Variants in USP39 observed in about 807,000 individuals in gnomAD.
USP39 encodes ubiquitin specific peptidase 39, also known as ubiquitin carboxyl-terminal hydrolase 39.
In USP39, 38 loss-of-function variants were observed where a neutral mutation model predicts 66.4. The ratio of observed to expected loss-of-function variants is 0.57; its 90% CI spans 0.44 to 0.75. The LOEUF (loss-of-function observed/expected upper bound fraction) is 0.75. USP39 is among the 30% of genes least tolerant of loss of function. The pLI, the probability that USP39 is intolerant of heterozygous loss-of-function variation, is 0.00. For missense variants in USP39, 608 were observed against 714.4 expected, an observed-to-expected ratio of 0.85 and a Z score of 1.70; for synonymous variants, 303 against 274.6, an observed-to-expected ratio of 1.10 and a Z score of -1.02.
At chr2:85,611,469 T>C (rs548147548), upstream of USP39, 8 of 1,547,806 alleles carry the variant, frequency 5.2e-6, no homozygotes, top group East Asian at 2.4e-5. Flanking sequence ...ACAGCGATGC[T>C]TAACTGGGGG....
chr2:85,616,350 G>A lies in USP39; in HGVS notation c.155G>A (p.Arg52Gln), dbSNP rs754314800. ...SSRGSPVRVKREFEPASAREA... is the reference protein window; with the variant it reads ...SSRGSPVRVKQEFEPASAREA... ...CGGGGCAGCCCTGTGCGCGTGAAGCGGGAGTTCGAGCCGGCGAGCGCGCGC... is the reference window on the plus strand; with the variant it reads ...CGGGGCAGCCCTGTGCGCGTGAAGCAGGAGTTCGAGCCGGCGAGCGCGCGC... Residue 52 changes from arginine (R) to glutamine (Q), a missense_variant, in exon 1 of 13, where the codon CGG (arginine) becomes CAG (glutamine). By Grantham distance (43) the Arg-to-Gln change is conservative. Around this residue, in one of 6 missense-constraint regions of USP39, gnomAD observed 207 missense variants for 145.7 expected, o/e 1.42. Transcript: ENST00000323701. The A allele has an allele frequency of 1.2e-6, 2 of 1,601,822 alleles. No individual in the cohort carries two copies. Among genetic ancestry groups the A allele is most frequent in the South Asian group, 1.1e-5 (1 of 89,478 alleles).
chr2:85,610,627 C>T (rs527783544), upstream of USP39: 1 of 152,216 alleles, frequency 6.6e-6, no homozygotes, highest in South Asian at 2.1e-4. Flanking sequence ...AAAGCACTTT[C>T]ACTAATGCCT....
chr2:85,615,226 G>T (rs1045148864), upstream of USP39, among the ~76,000 whole-genome samples: 4 of 152,142 alleles, frequency 2.6e-5, no homozygotes, highest in Admixed American at 2.0e-4. Context: ...TCACCATATT[G>T]GCCAGGCTGG....
intron 6 of USP39, among the ~76,000 whole-genome samples, chr2:85,634,253 C>T (rs1040869210): frequency 1.3e-5 from 2 of 151,766 alleles, no homozygotes; most frequent in Admixed American, 6.6e-5. Flanking sequence ...AGATACACTT[C>T]GGGTTGGTTA....
At chr2:85,609,123 C>T (rs898148471), upstream of USP39, 4 of 1,597,712 alleles carry the variant, frequency 2.5e-6, no homozygotes, top group Non-Finnish European at 3.4e-6. Context: ...GAAAGGTGAC[C>T]TGCCCTGTCC....
chr2:85,622,586 A>C (rs564829325), intron 3 of USP39, among the ~76,000 whole-genome samples: 60 of 150,194 alleles, frequency 4.0e-4, no homozygotes, highest in Non-Finnish European at 4.9e-4. Flanking sequence ...TTTTTTGTGG[A>C]GACAAGGCCT....
upstream of USP39, chr2:85,608,957 C>T (rs1230014965): frequency 4.3e-6 from 7 of 1,614,238 alleles, no homozygotes; most frequent in Non-Finnish European, 4.2e-6. Flanking sequence ...AGTGTTGGCT[C>T]TGGCGCTTTG....
At chr2:85,608,887 T>G, upstream of USP39, 1 of 1,598,962 alleles carries the variant, frequency 6.3e-7, no homozygotes, top group Non-Finnish European at 8.6e-7. Flanking sequence ...CTAAATTCCC[T>G]GGGCAGAATT....
At chr2:85,626,113 A>T (rs960659622) in intron 5 of USP39, among the ~76,000 whole-genome samples, 1 of 152,004 alleles carries the variant, frequency 6.6e-6, no homozygotes, top group Non-Finnish European at 1.5e-5. Flanking sequence ...TAATCCCAGC[A>T]CTTTGGGAGG....
At chr2:85,646,804 C>A (rs556076025) in intron 11 of USP39, among the ~76,000 whole-genome samples, 10 of 151,462 alleles carry the variant, frequency 6.6e-5, no homozygotes, top group Non-Finnish European at 1.2e-4. Context: ...ATTTGTAGCA[C>A]TGGTTTCTTA....
chr2:85,630,613 C>A, intron 5 of USP39, 108 bp from the exon 6 acceptor site: 3 of 1,062,954 alleles, frequency 2.8e-6, no homozygotes, highest in South Asian at 1.5e-5. Flanking sequence ...CTCTTTAAGG[C>A]CATCACAGGC....
chr2:85,617,138 A>G (rs1674051978), intron 1 of USP39, among the ~76,000 whole-genome samples: 3 of 146,848 alleles, frequency 2.0e-5, no homozygotes, highest in Admixed American at 6.8e-5. Context: ...GCGTTTTAAG[A>G]GAAGCAAGTC....
chr2:85,634,566 G>T (rs532965372), intron 6 of USP39, among the ~76,000 whole-genome samples: 2 of 152,042 alleles, frequency 1.3e-5, no homozygotes, highest in South Asian at 4.2e-4. Flanking sequence ...AGAGTGAGAC[G>T]CTGTGTCGCG....
chr2:85,632,230 C>T (rs1235887929), intron 6 of USP39, among the ~76,000 whole-genome samples: 1 of 152,046 alleles, frequency 6.6e-6, no homozygotes, highest in Non-Finnish European at 1.5e-5. Flanking sequence ...CGATTTTTCT[C>T]TTTGAAGAAC....
chr2:85,619,133 TC>T, intron 1 of USP39, 86 bp from the exon 2 acceptor site: 1 of 1,460,026 alleles, frequency 6.8e-7, no homozygotes, highest in Non-Finnish European at 9.5e-7. Context: ...GATTAGTTTT[TC>T]CCATTTCTGT....
chr2:85,625,447 C>T lies in USP39; in HGVS notation c.571-92C>T. ...CTGTGTGTGGTGGGATGTTCATGGC[C>T]AAGTGTTTTTTGTTTTTGTAGAAAT... On this transcript the variant is annotated intron_variant, in intron 4 of 12. Transcript: ENST00000323701. 4 of 1,548,350 alleles carry T rather than the reference C, an allele frequency of 2.6e-6. 1 individual carries two copies. In the South Asian group the frequency reaches 4.5e-5, roughly 17 times the overall value.
At chr2:85,642,009 A>T (rs1288009382) in intron 10 of USP39, among the ~76,000 whole-genome samples, 1 of 138,848 alleles carries the variant, frequency 7.2e-6, no homozygotes, top group African/African-American at 2.5e-5. Flanking sequence ...AAGAGGCCTG[A>T]GTTTTAGGCT....
chr2:85,646,539 C>G (rs1676658521), intron 11 of USP39, among the ~76,000 whole-genome samples: 1 of 152,216 alleles, frequency 6.6e-6, no homozygotes, highest in African/African-American at 2.4e-5. Flanking sequence ...CTTCAAAGCC[C>G]ATGTTCTTAA....
At chr2:85,640,923 C>G in intron 9 of USP39, 53 bp from the exon 10 acceptor site, 1 of 1,537,506 alleles carries the variant, frequency 6.5e-7, no homozygotes, top group Non-Finnish European at 8.8e-7. Flanking sequence ...TGCCCCTGCT[C>G]TAATACTACT....
Sources: gnomAD v4.1 joint callset for allele counts (sites outside exome capture counted in the v4.1 genomes callset) on GRCh38, gnomAD v4.1.1 for gene constraint, gnomAD v4.1.1 regional missense constraint, MANE v1.5 for transcripts, NCBI Gene and HGNC (gene_info 2026-07-23, HGNC 2026-07-21) for gene names.